NAPG: variants seen among roughly 807,000 people sequenced by gnomAD.
NAPG encodes the protein NSF attachment protein gamma.
In NAPG, 25 loss-of-function variants were observed where a neutral mutation model predicts 48.4. The ratio of observed to expected loss-of-function variants is 0.52; its 90% CI spans 0.38 to 0.72. The LOEUF is 0.72. Among genes scored for constraint, NAPG ranks in the 30% least tolerant of loss-of-function variants. The pLI is 0.00. For missense variants in NAPG, 359 were observed against 372.5 expected, an observed-to-expected ratio of 0.96 and a Z score of 0.30; for synonymous variants, 139 against 127.2, an observed-to-expected ratio of 1.09 and a Z score of -0.62.
In NAPG at chr18:10,542,334, AAATT is replaced by A. The variant is rs1278222555; in HGVS notation, c.506+1940_506+1943del. Among the ~76,000 whole-genome samples, 1 of 152,146 alleles carries A rather than the reference AAATT, an allele frequency of 6.6e-6. No homozygotes were observed. Among genetic ancestry groups the A allele is most frequent in the African/African-American group, 2.4e-5 (1 of 41,448 alleles). On this transcript the variant is annotated intron_variant, in intron 8 of 11. Transcript: ENST00000322897. This position sits in a 1 kb window ranked among gnomAD's most constrained non-coding sequence, Gnocchi z 4.5. ...TTTTTGAAGTGTATTAACAATATAA[AAATT>A]AATTTAAATTTGTGCAGGAACATGA...
Position 10,542,911 on chromosome 18 carries a change from C to A in NAPG, c.506+2512C>A, listed in dbSNP as rs1474788576. Among the ~76,000 whole-genome samples, 1 of 152,044 alleles carries A rather than the reference C, an allele frequency of 6.6e-6. No individual in the cohort carries two copies. Among genetic ancestry groups the A allele is most frequent in the Non-Finnish European group, 1.5e-5 (1 of 67,994 alleles). ...AGAAAAGGCCTTTCCAGGCTGGGTG[C>A]AGTGGCTCATGCCTGTAATCACAAC... On this transcript the variant is annotated intron_variant, in intron 8 of 11. Transcript: ENST00000322897. This position sits in a 1 kb window ranked among gnomAD's most constrained non-coding sequence, Gnocchi z 4.5.
At chr18:10,536,963 T>G (rs1295119158) in intron 5 of NAPG, among the ~76,000 whole-genome samples, 3 of 130,560 alleles carry the variant, frequency 2.3e-5, no homozygotes, top group African/African-American at 1.0e-4. Flanking sequence ...CCTGTTTTTG[T>G]TTTTTTTTTT....
chr18:10,548,281 T>G lies in NAPG; in HGVS notation c.586-18T>G. 6.3e-7 allele frequency: 1 copy of G among 1,583,874 alleles called. No homozygotes were observed. Among genetic ancestry groups the G allele is most frequent in the Non-Finnish European group, 8.7e-7 (1 of 1,152,916 alleles). ...TAAACAGATGTAAATTTGACCATGA[T>G]CCTCTCTTTTGTTTTAGAAAACAAT... On this transcript the variant is annotated intron_variant, in intron 9 of 11. Coordinates refer to ENST00000322897, the MANE Select transcript of NAPG (RefSeq NM_003826.3). The surrounding 1 kb of genome is among the most constrained non-coding windows in gnomAD (Gnocchi z 4.4).
At position 10,548,305 on chromosome 18, in the gene NAPG, A is replaced by T; in HGVS notation, c.592A>T (p.Ile198Phe). The T allele has an allele frequency of 6.2e-7, 1 of 1,612,208 alleles. No individual in the cohort carries two copies. Among genetic ancestry groups the T allele is most frequent in the Non-Finnish European group, 8.5e-7 (1 of 1,178,464 alleles). ...ATCCTCTCTTTTGTTTTAGAAAACA[A>T]TTGCTCAAGTCTTAGTTCATCTACA... ...ENYPTCYKKT[I>F]AQVLVHLHRN... is the part of the protein sequence containing the mutation. Residue 198 changes from isoleucine to phenylalanine, a missense_variant, in exon 10 of 12, where the codon ATT becomes TTT. Physicochemically the swap from Ile to Phe is conservative, Grantham distance 21. Coordinates refer to ENST00000322897, the MANE Select transcript of NAPG (RefSeq NM_003826.3). The surrounding 1 kb of genome is among the most constrained non-coding windows in gnomAD (Gnocchi z 4.4).
In NAPG at chr18:10,548,814, C is replaced by T. The variant is rs2032322672; in HGVS notation, c.666-153C>T. ...ACTGTAGGCTGGTTAGCGGGATCCC[C>T]GGTCTCTGCCCTCTAGATGCCACTA... On this transcript the variant is annotated intron_variant, in intron 10 of 11. Coordinates refer to ENST00000322897, the MANE Select transcript of NAPG (RefSeq NM_003826.3). The surrounding 1 kb of genome is among the most constrained non-coding windows in gnomAD (Gnocchi z 4.4). Among the ~76,000 whole-genome samples the T allele has an allele frequency of 3.3e-5, 5 of 151,854 alleles. No homozygotes were observed. Among genetic ancestry groups the T allele is most frequent in the Admixed American group, 1.3e-4 (2 of 15,232 alleles).
rs980671192 is a variant in NAPG at position 10,546,703 on chromosome 18, C to T, written c.585+299C>T. On this transcript the variant is annotated intron_variant, in intron 9 of 11. Coordinates refer to ENST00000322897, the MANE Select transcript of NAPG (RefSeq NM_003826.3). The surrounding 1 kb of genome is among the most constrained non-coding windows in gnomAD (Gnocchi z 4.0). ...AAACAACCACCATGGGAATGAGTTTCTCGGGTTTTTTTCCATTTCCTCTTG... is the reference window on the plus strand; with the variant it reads ...AAACAACCACCATGGGAATGAGTTTTTCGGGTTTTTTTCCATTTCCTCTTG... 1.3e-5 allele frequency among the ~76,000 whole-genome samples: 2 copies of T among 152,208 alleles called. No individual in the cohort carries two copies. The highest frequency in any genetic ancestry group is 6.5e-5 in the Admixed American group (1 of 15,276).
intron 1 of NAPG, 70 bp from the exon 2 acceptor site, chr18:10,530,700 C>A: frequency 3.9e-5 from 31 of 802,860 alleles, no homozygotes; most frequent in South Asian, 9.2e-5. Context: ...CCTAGAAGGT[C>A]ATTACAAGCA....
intron 1 of NAPG, 78 bp downstream of exon 1, chr18:10,526,236 GGGC>G: frequency 1.1e-6 from 1 of 877,890 alleles, no homozygotes; most frequent in Non-Finnish European, 1.8e-6. Flanking sequence ...CACCCGGGGG[GGGC>G]GGGAGGGAGG....
Position 10,548,165 on chromosome 18 carries a change from C to T in NAPG, c.586-134C>T. On this transcript the variant is annotated intron_variant, in intron 9 of 11. Coordinates refer to ENST00000322897, the MANE Select transcript of NAPG (RefSeq NM_003826.3). This position sits in a 1 kb window ranked among gnomAD's most constrained non-coding sequence, Gnocchi z 4.4. ...CCCCTCAGGTGTCCCGTGGAAGTTA[C>T]TATAGCATTTATAAATCTCTGTTTA... The T allele has an allele frequency of 4.6e-6, 3 of 649,978 alleles. No homozygotes were observed. The highest frequency in any genetic ancestry group is 5.4e-6 in the Non-Finnish European group (2 of 369,686). The allele number at this position is 649,978 out of a possible 1,614,324, so 40.3% of individuals were successfully genotyped here.
At chr18:10,529,394 T>G (rs1307731862) in intron 1 of NAPG, among the ~76,000 whole-genome samples, 1 of 152,240 alleles carries the variant, frequency 6.6e-6, no homozygotes, top group Admixed American at 6.5e-5. Flanking sequence ...TTGAATCTTG[T>G]AACACTATAT....
In NAPG at chr18:10,530,684, T is replaced by A. The variant is rs1280116919; in HGVS notation, c.57-86T>A. On this transcript the variant is annotated intron_variant, in intron 1 of 11. Coordinates refer to ENST00000322897, the MANE Select transcript of NAPG (RefSeq NM_003826.3). ...GGTTTCTCCTTTTTTTTTTTTTTTT[T>A]AAAGACCTAGAAGGTCATTACAAGC... 1.0e-4 allele frequency: 66 copies of A among 631,626 alleles called. No homozygotes were observed. Among genetic ancestry groups the A allele is most frequent in the South Asian group, 2.0e-4 (4 of 20,282 alleles). The allele number at this position is 631,626 out of a possible 1,614,324, so 39.1% of individuals were successfully genotyped here.
rs1186408499 is a variant in NAPG at position 10,551,422 on chromosome 18, A to G, written c.*1202A>G. 1 of 152,246 alleles carries G rather than the reference A, an allele frequency of 6.6e-6. No individual in the cohort carries two copies. The highest frequency in any genetic ancestry group is 2.4e-5 in the African/African-American group (1 of 41,458). The allele number at this position is 152,246 out of a possible 1,614,324, so 9.4% of individuals were successfully genotyped here. A position where few individuals can be genotyped will look rare whatever the true frequency, so the allele number is the denominator to read the frequency against. On this transcript the variant is annotated 3_prime_UTR_variant, in exon 12 of 12. Transcript: ENST00000322897. ...TTAGCTGAAAGGGAAGAATTGTTTTAGAAAGACAATATTTAAAACACCGCA... is the reference window on the plus strand; with the variant it reads ...TTAGCTGAAAGGGAAGAATTGTTTTGGAAAGACAATATTTAAAACACCGCA...
Position 10,533,624 on chromosome 18 carries a change from T to C in NAPG, c.227+71T>C, listed in dbSNP as rs968592454. The C allele has an allele frequency of 1.3e-5, 17 of 1,308,366 alleles. No individual in the cohort carries two copies. In the Admixed American group the frequency reaches 3.9e-4, roughly 30 times the overall value. 81.0% of individuals were successfully genotyped at this position (1,308,366 alleles called of 1,614,324 possible). ...ATGTTGCTGTTTTTCTGTAGGTTGG[T>C]AATTTTTTCCCAAATTATAAATTTT... On this transcript the variant is annotated intron_variant, in intron 4 of 11. Transcript: ENST00000322897.
chr18:10,526,327 G>A (rs2031809106), intron 1 of NAPG, 169 bp downstream of exon 1: 2 of 653,504 alleles, frequency 3.1e-6, no homozygotes, highest in Admixed American at 2.9e-5. Flanking sequence ...CACACTCCCG[G>A]GGTCGGGGTC....
rs765670747 is a variant in NAPG, at chr18:10,526,197, G to A, written c.56+39G>A. 33 of 1,581,314 alleles carry A rather than the reference G, an allele frequency of 2.1e-5. 1 individual carries two copies. Among genetic ancestry groups the A allele is most frequent in the Middle Eastern group, 4.0e-4 (2 of 5,010 alleles). ...TTCCGGGGGCCTGTGTGTAGACGCC[G>A]GGTCCGTCTCTCACTGGCGCGGCCT... On this transcript the variant is annotated intron_variant, in intron 1 of 11. Coordinates refer to ENST00000322897, the MANE Select transcript of NAPG (RefSeq NM_003826.3).
Position 10,548,822 on chromosome 18 carries a change from GC to G in NAPG, c.666-142del. On this transcript the variant is annotated intron_variant, in intron 10 of 11. Coordinates refer to ENST00000322897, the MANE Select transcript of NAPG (RefSeq NM_003826.3). The surrounding 1 kb of genome is among the most constrained non-coding windows in gnomAD (Gnocchi z 4.4). ...CTGGTTAGCGGGATCCCCGGTCTCT[GC>G]CCTCTAGATGCCACTAGCATTCCCA... 1 of 985,286 alleles carries G rather than the reference GC, an allele frequency of 1.0e-6. No homozygotes were observed. The allele number at this position is 985,286 out of a possible 1,614,324, so 61.0% of individuals were successfully genotyped here. A position where few individuals can be genotyped will look rare whatever the true frequency, so the allele number is the denominator to read the frequency against.
At position 10,526,098 on chromosome 18, in the gene NAPG, T is replaced by G. The variant is rs1338976375; in HGVS notation, c.-5T>G. ...TCTCTCCACGTCAGAGACCTGACTG[T>G]GGAGATGGCGGCTCAGAAGATAAAC... On this transcript the variant is annotated 5_prime_UTR_variant, in exon 1 of 12. Coordinates refer to ENST00000322897, the MANE Select transcript of NAPG (RefSeq NM_003826.3). 6.2e-7 allele frequency: 1 copy of G among 1,613,556 alleles called. No homozygotes were observed. The highest frequency in any genetic ancestry group is 8.5e-7 in the Non-Finnish European group (1 of 1,179,610).
At position 10,549,019 on chromosome 18, in the gene NAPG, G is replaced by A. The variant is rs751502815; in HGVS notation, c.718G>A (p.Glu240Lys). 1.2e-6 allele frequency: 2 copies of A among 1,613,946 alleles called. No homozygotes were observed. The highest frequency in any genetic ancestry group is 1.1e-5 in the South Asian group (1 of 91,064). Residue 240 changes from glutamate to lysine, a missense_variant, in exon 11 of 12, where the codon GAA becomes AAA. By Grantham distance (56) the Glu-to-Lys change is moderately conservative. Transcript: ENST00000322897. ...CTGTGCTGCCCTGGAACAGCTTCTTGAAGGTTATGACCAGCAAGACCAAGA... is the reference window on the plus strand; with the variant it reads ...CTGTGCTGCCCTGGAACAGCTTCTTAAAGGTTATGACCAGCAAGACCAAGA... ...EDCAALEQLL[E>K]GYDQQDQDQV...
At chr18:10,533,614 T>C (rs2031974700) in intron 4 of NAPG, 61 bp downstream of exon 4, 1 of 1,403,248 alleles carries the variant, frequency 7.1e-7, no homozygotes, top group African/African-American at 1.5e-5. Flanking sequence ...GCTGTTTTTC[T>C]GTAGGTTGGT....
Sources: allele counts gnomAD v4.1 joint callset (sites outside exome capture counted in the v4.1 genomes callset), GRCh38; gene constraint gnomAD v4.1.1; non-coding constraint Gnocchi (gnomAD v3.1); transcripts MANE v1.5; gene names NCBI Gene and HGNC (gene_info 2026-07-23, HGNC 2026-07-21).